The following TACC2 variants were observed in gnomAD, a reference collection of about 807,000 sequenced individuals.
TACC2 encodes the protein transforming acidic coiled-coil-containing protein 2.
A neutral mutation model predicts 227.3 loss-of-function variants in TACC2; 137 were observed. The observed-to-expected ratio is 0.60, with a 90% CI of 0.52 to 0.69. The LOEUF (loss-of-function observed/expected upper bound fraction) is 0.69, where lower values mean the gene tolerates loss of function less well. Among genes scored for constraint, TACC2 ranks in the 30% least tolerant of loss-of-function variants. The probability of loss-of-function intolerance (pLI) is 0.00; values close to 1 mark genes in which losing one functional copy is unlikely to be tolerated. For synonymous variants in TACC2, 1,523 were observed against 1,487.5 expected (o/e 1.02, Z -0.55); for missense variants, 3,470 against 3,694.4 (o/e 0.94, Z 1.57).
intron 5 of TACC2, among the ~76,000 whole-genome samples, chr10:122,119,187 A>G (rs1191838434): frequency 6.6e-6 from 1 of 152,168 alleles, no homozygotes; most frequent in Non-Finnish European, 1.5e-5. Context: ...ATTTCTACAT[A>G]TATTTTTTCC....
In TACC2 at chr10:122,008,264, A is replaced by ATTATTATTATTATTATTTT; in HGVS notation, c.-45-13671_-45-13670insATTATTATTATTATTTTTT. ...TCCCTTTGTTATTATTATTATTATT[A>ATTATTATTATTATTATTTT]TTTTTTTTTTTTGAGACAGAATTTT... is the stretch of plus-strand genomic sequence containing the variant. On this transcript the variant is annotated intron_variant, in intron 1 of 22. Transcript: ENST00000369005. 1.4e-3 allele frequency among the ~76,000 whole-genome samples: 183 copies of ATTATTATTATTATTATTTT among 134,650 alleles called. 1 individual carries two copies. The highest frequency in any genetic ancestry group is 3.7e-3 in the African/African-American group (133 of 35,610). The allele number at this position is 134,650 out of a possible 152,430, so 88.3% of individuals were successfully genotyped here.
intron 3 of TACC2, among the ~76,000 whole-genome samples, chr10:122,073,488 C>T (rs1025800710): frequency 3.0e-4 from 45 of 152,252 alleles, no homozygotes; most frequent in African/African-American, 9.6e-4. Context: ...CTATCCATGT[C>T]GTCCTCTCAA....
chr10:122,018,546 C>T (rs2135476763), intron 1 of TACC2, among the ~76,000 whole-genome samples: 1 of 152,250 alleles, frequency 6.6e-6, no homozygotes, highest in East Asian at 1.9e-4. Context: ...GCCGATATTT[C>T]CCCTTCCCCC....
At chr10:122,164,659 C>T (rs139011538) in intron 7 of TACC2, among the ~76,000 whole-genome samples, 4 of 152,220 alleles carry the variant, frequency 2.6e-5, no homozygotes, top group African/African-American at 4.8e-5. Context: ...TTAGAATTCA[C>T]GTTTCTGTTA....
chr10:122,133,224 C>A (rs2138874590), intron 6 of TACC2, among the ~76,000 whole-genome samples: 1 of 152,210 alleles, frequency 6.6e-6, no homozygotes, highest in Admixed American at 6.5e-5. Context: ...GGCCTGGGGT[C>A]CCCGCCCCTG....
At chr10:122,231,378 C>A (rs2095745248) in intron 16 of TACC2, among the ~76,000 whole-genome samples, 1 of 150,110 alleles carries the variant, frequency 6.7e-6, no homozygotes, top group South Asian at 2.2e-4. Flanking sequence ...AGTAGGTGAA[C>A]CTCTTCGAGC....
At chr10:122,248,542 C>A in intron 19 of TACC2, 101 bp from the exon 20 acceptor site, 1 of 1,384,796 alleles carries the variant, frequency 7.2e-7, no homozygotes, top group Non-Finnish European at 1.0e-6. Flanking sequence ...TGAGATGCCC[C>A]CACTGGTGAG....
chr10:122,027,582 C>T (rs1958203114), intron 2 of TACC2, among the ~76,000 whole-genome samples: 1 of 152,064 alleles, frequency 6.6e-6, no homozygotes, highest in African/African-American at 2.4e-5. Context: ...TATTCTTGTC[C>T]ATTGATTATC....
At chr10:122,018,894 T>A (rs183492027) in intron 1 of TACC2, among the ~76,000 whole-genome samples, 1 of 152,344 alleles carries the variant, frequency 6.6e-6, no homozygotes, top group African/African-American at 2.4e-5. Flanking sequence ...AAGGGTCCTC[T>A]GAGCTTGGTA....
rs2079826201 is a variant in TACC2 at position 122,084,010 on chromosome 10, G to A, written c.1510G>A (p.Glu504Lys). 1 of 1,613,860 alleles carries A rather than the reference G, an allele frequency of 6.2e-7. No individual in the cohort carries two copies. The highest frequency in any genetic ancestry group is 1.3e-5 in the African/African-American group (1 of 74,864). The change falls in exon 4 of 23, where the codon GAG becomes AAG. Residue 504 changes from glutamate (E) to lysine (K), a missense_variant. Around this residue, in one of 10 missense-constraint regions of TACC2, gnomAD observed 1,924 missense variants for 1,978.3 expected, o/e 0.97. Coordinates refer to ENST00000369005, the MANE Select transcript of TACC2 (RefSeq NM_206862.4). Reference protein sequence around the residue: ...PQERGEHLNTEQSHEVQPGVP... With the variant: ...PQERGEHLNTKQSHEVQPGVP... Reference sequence around the variant, plus strand: ...GGAGAGGGGAGAGCACTTGAACACGGAGCAAAGCCATGAGGTCCAACCAGG... The same window carrying A: ...GGAGAGGGGAGAGCACTTGAACACGAAGCAAAGCCATGAGGTCCAACCAGG...
rs901122396 is a variant in TACC2, at chr10:122,209,270, C to T, written c.5972-1127C>T. Among the ~76,000 whole-genome samples the T allele has an allele frequency of 6.6e-6, 1 of 152,096 alleles. No homozygotes were observed. Among genetic ancestry groups the T allele is most frequent in the Non-Finnish European group, 1.5e-5 (1 of 68,018 alleles). The stretch of plus-strand genomic sequence containing the variant: ...AGACAGCAAGTGCTACTACAGGTGC[C>T]GGGGGCCTCCGTGTACAGGCTCCCC... On this transcript the variant is annotated intron_variant, in intron 8 of 22. Transcript: ENST00000369005. The surrounding 1 kb of genome is among the most constrained non-coding windows in gnomAD (Gnocchi z 4.5).
chr10:122,040,937 C>T (rs771175840), intron 2 of TACC2, among the ~76,000 whole-genome samples: 13 of 152,244 alleles, frequency 8.5e-5, no homozygotes, highest in African/African-American at 3.1e-4. Flanking sequence ...TCAGCAGACA[C>T]GCCTCCCCCA....
intron 1 of TACC2, among the ~76,000 whole-genome samples, chr10:122,021,362 T>C (rs1279923459): frequency 2.6e-5 from 4 of 152,164 alleles, no homozygotes; most frequent in African/African-American, 9.7e-5. Flanking sequence ...CCCATTTTCC[T>C]TAGCAAGAAA....
rs1357409799 is a variant in TACC2 at position 122,086,309 on chromosome 10, C to T, written c.3809C>T (p.Pro1270Leu). 11 of 1,613,912 alleles carry T rather than the reference C, an allele frequency of 6.8e-6. No individual in the cohort carries two copies. Among genetic ancestry groups the T allele is most frequent in the Non-Finnish European group, 9.3e-6 (11 of 1,180,024 alleles). ...DPRAPGESPC[P>L]VGEPPLALEN... ...AGAGCTCCTGGCGAAAGCCCCTGTC[C>T]TGTAGGGGAGCCCCCACTTGCCTTG... The change falls in exon 4 of 23, where the codon CCT becomes CTT. Residue 1270 changes from proline (P) to leucine (L), a missense_variant. Transcript: ENST00000369005.
At chr10:122,168,091 A>G (rs2093286536) in intron 7 of TACC2, among the ~76,000 whole-genome samples, 1 of 322 alleles carries the variant, frequency 3.1e-3, no homozygotes, top group Non-Finnish European at 6.6e-3. Flanking sequence ...TTTTGTAGAG[A>G]CAGGGGCCTT....
chr10:122,008,266 T>TATTATTA (rs1554958022), intron 1 of TACC2, among the ~76,000 whole-genome samples: 36 of 139,868 alleles, frequency 2.6e-4, no homozygotes, highest in African/African-American at 8.7e-4. Context: ...TTATTATTAT[T>TATTATTA]TTTTTTTTTT....
Position 122,168,625 on chromosome 10 carries a change from A to G in TACC2, c.5834+24919A>G, listed in dbSNP as rs373991075. 9.9e-5 allele frequency among the ~76,000 whole-genome samples: 15 copies of G among 151,578 alleles called. 1 individual carries two copies. The highest frequency in any genetic ancestry group is 8.5e-4 in the Admixed American group (13 of 15,266). ...ATCATCCAAGGGGCCATGCCATGCT[A>G]GGGCCCTGGGACAGGGTACCCTGTC... On this transcript the variant is annotated intron_variant, in intron 7 of 22. Coordinates refer to ENST00000369005, the MANE Select transcript of TACC2 (RefSeq NM_206862.4).
At chr10:122,005,160 C>A (rs1443329379) in intron 1 of TACC2, among the ~76,000 whole-genome samples, 1 of 151,438 alleles carries the variant, frequency 6.6e-6, no homozygotes, top group Non-Finnish European at 1.5e-5. Context: ...GGGCTCACTG[C>A]AACCTCTGCC....
At chr10:122,234,964 C>T (rs933483130) in intron 16 of TACC2, among the ~76,000 whole-genome samples, 3 of 152,172 alleles carry the variant, frequency 2.0e-5, no homozygotes, top group Admixed American at 6.5e-5. Context: ...AGAAGGTCCA[C>T]GCTGAGTTTG....
Sources: allele counts gnomAD v4.1 joint callset (sites outside exome capture counted in the v4.1 genomes callset), GRCh38; gene constraint gnomAD v4.1.1; regional missense constraint gnomAD v4.1.1; non-coding constraint Gnocchi (gnomAD v3.1); transcripts MANE v1.5; gene names NCBI Gene and HGNC (gene_info 2026-07-23, HGNC 2026-07-21).